Variants in NBAS observed in about 807,000 individuals in gnomAD.
The protein encoded by NBAS is NBAS subunit of NRZ tethering complex, also known as NAG/BC035112 fusion.
NBAS carries 219 observed loss-of-function variants against 302.5 expected under a neutral mutation model. That is an observed-to-expected ratio of 0.72 (90% CI 0.65 to 0.81). The LOEUF is 0.81. Ranked by LOEUF, NBAS falls within the 30% of genes least tolerant of loss-of-function variation. The probability of loss-of-function intolerance (pLI) is 0.00; values close to 1 mark genes in which losing one functional copy is unlikely to be tolerated. For synonymous variants in NBAS, 1,118 were observed against 1,021.6 expected (o/e 1.09, Z -1.80); for missense variants, 2,932 against 2,841.6 (o/e 1.03, Z -0.72).
the NBAS span, among the ~76,000 whole-genome samples, chr2:15,010,462 C>T: frequency 1.3e-5 from 2 of 151,768 alleles, no homozygotes; most frequent in Non-Finnish European, 2.9e-5. Context: ...CCACCTTATA[C>T]CCCTTAGGTG....
chr2:14,801,107 C>G, the NBAS span, among the ~76,000 whole-genome samples: 2 of 152,084 alleles, frequency 1.3e-5, no homozygotes, highest in Non-Finnish European at 2.9e-5. Context: ...CATCCTTTAA[C>G]CAATGCCCCC....
In NBAS at chr2:15,277,223, A is replaced by G. The variant is rs1572574267; in HGVS notation, c.5139-122T>C. 1.0e-5 allele frequency: 13 copies of G among 1,256,724 alleles called. No individual in the cohort carries two copies. The East Asian group carries it at 3.0e-4, about 29-fold the overall frequency. The allele number at this position is 1,256,724 out of a possible 1,614,324, so 77.8% of individuals were successfully genotyped here. On this transcript the variant is annotated intron_variant, in intron 42 of 51. Coordinates refer to ENST00000281513, the MANE Select transcript of NBAS (RefSeq NM_015909.4). The stretch of plus-strand genomic sequence containing the variant: ...CCCTTCTTCCTGCCTACTCAAAGAC[A>G]GTAAACCACCACCAGAAGCCAGTCA...
At chr2:15,467,230 T>G in intron 19 of NBAS, 99 bp downstream of exon 19, 6 of 887,240 alleles carry the variant, frequency 6.8e-6, no homozygotes, top group Non-Finnish European at 1.1e-5. Flanking sequence ...CCCAGAAAAA[T>G]AGTTCTAAAG....
At chr2:15,247,726 C>CTATATATCTATATATATCTA (rs1553352067) in intron 44 of NBAS, among the ~76,000 whole-genome samples, 8 of 148,882 alleles carry the variant, frequency 5.4e-5, no homozygotes, top group African/African-American at 1.7e-4. Context: ...ATATATACCT[C>CTATATATCTATATATATCTA]TATCTATAGA....
At chr2:15,093,773 T>C in the NBAS span, among the ~76,000 whole-genome samples, 4 of 152,286 alleles carry the variant, frequency 2.6e-5, no homozygotes, top group South Asian at 6.2e-4. Flanking sequence ...ATTAAAGACA[T>C]AGAGAAAATG....
At chr2:14,788,525 G>T in the NBAS span, among the ~76,000 whole-genome samples, 4 of 152,108 alleles carry the variant, frequency 2.6e-5, no homozygotes, top group South Asian at 2.1e-4. Context: ...CTGTTTGTTA[G>T]TTTTCCTTCT....
At chr2:15,130,833 C>T in the NBAS span, among the ~76,000 whole-genome samples, 1 of 152,240 alleles carries the variant, frequency 6.6e-6, no homozygotes, top group Non-Finnish European at 1.5e-5. Context: ...GTGCTGACTT[C>T]TGTGTCTTCT....
intron 19 of NBAS, among the ~76,000 whole-genome samples, chr2:15,462,326 T>G (rs2148561949): frequency 6.6e-6 from 1 of 152,146 alleles, no homozygotes; most frequent in South Asian, 2.1e-4. Flanking sequence ...CAGGAACAGG[T>G]GAGGGGAAAT....
At chr2:15,535,250 A>G (rs1003112792) in intron 8 of NBAS, among the ~76,000 whole-genome samples, 1 of 152,198 alleles carries the variant, frequency 6.6e-6, no homozygotes, top group African/African-American at 2.4e-5. Flanking sequence ...GGCCAGGCGC[A>G]GTGGCTCACG....
At chr2:14,856,732 A>T in the NBAS span, among the ~76,000 whole-genome samples, 1 of 152,138 alleles carries the variant, frequency 6.6e-6, no homozygotes, top group African/African-American at 2.4e-5. Context: ...GAACTTGAAG[A>T]CAGTCTAATT....
the NBAS span, among the ~76,000 whole-genome samples, chr2:15,059,947 TA>T: frequency 0.037 from 1,851 of 50,030 alleles, 45 homozygotes; most frequent in African/African-American, 0.11. Context: ...GCAGTGCTGC[TA>T]AAAAAAAAAA....
chr2:15,212,724 A>G (rs1666472090), intron 48 of NBAS, among the ~76,000 whole-genome samples: 1 of 152,092 alleles, frequency 6.6e-6, no homozygotes, highest in Admixed American at 6.6e-5. Context: ...TTCTCACAAG[A>G]TCTGATGGTT....
intron 4 of NBAS, 25 bp from the exon 5 acceptor site, chr2:15,553,498 A>G (rs757472986): frequency 6.3e-7 from 1 of 1,591,034 alleles, no homozygotes; most frequent in South Asian, 1.1e-5. Flanking sequence ...AAAGAGGGGG[A>G]AGAAAATCTA....
chr2:15,106,416 C>G, the NBAS span, among the ~76,000 whole-genome samples: 1 of 149,700 alleles, frequency 6.7e-6, no homozygotes, highest in Non-Finnish European at 1.5e-5. Flanking sequence ...ATCTTGAAGT[C>G]TTGGGTGTCT....
At chr2:15,292,314 A>G (rs1003673795) in intron 41 of NBAS, among the ~76,000 whole-genome samples, 6 of 152,212 alleles carry the variant, frequency 3.9e-5, no homozygotes, top group African/African-American at 1.4e-4. Flanking sequence ...AATGATTTAA[A>G]CATCATGGGA....
chr2:14,944,225 G>A, the NBAS span, among the ~76,000 whole-genome samples: 3 of 152,318 alleles, frequency 2.0e-5, no homozygotes, highest in Middle Eastern at 3.4e-3. Context: ...GCGTGAACCC[G>A]GGAGGCGGAG....
chr2:15,225,488 C>T (rs1490012644), intron 47 of NBAS, among the ~76,000 whole-genome samples: 1 of 152,034 alleles, frequency 6.6e-6, no homozygotes, highest in Non-Finnish European at 1.5e-5. Flanking sequence ...TCAATTTGCT[C>T]TAGGTGGGCC....
chr2:15,455,349 T>A (rs6732252), intron 21 of NBAS, among the ~76,000 whole-genome samples: 2 of 152,024 alleles, frequency 1.3e-5, no homozygotes, highest in South Asian at 2.1e-4. Context: ...AATTCATGTG[T>A]CACATTATAG....
the NBAS span, among the ~76,000 whole-genome samples, chr2:15,015,444 C>T: frequency 6.6e-6 from 1 of 152,080 alleles, no homozygotes; most frequent in African/African-American, 2.4e-5. Context: ...TCATCATGAC[C>T]AAGTGGGGTT....
Sources: allele counts gnomAD v4.1 joint callset (sites outside exome capture counted in the v4.1 genomes callset), GRCh38; gene constraint gnomAD v4.1.1; transcripts MANE v1.5; gene names NCBI Gene and HGNC (gene_info 2026-07-23, HGNC 2026-07-21).